Variants in FBN2 observed in about 807,000 individuals in gnomAD.
The protein encoded by FBN2 is fibrillin 2.
In FBN2, 105 loss-of-function variants were observed where a neutral mutation model predicts 355.6. The observed-to-expected ratio is 0.30, with a 90% confidence interval of 0.25 to 0.35. The LOEUF (loss-of-function observed/expected upper bound fraction) is 0.35. Ranked by LOEUF, FBN2 falls within the 10% of genes least tolerant of loss-of-function variation. The pLI, the probability that FBN2 is intolerant of heterozygous loss-of-function variation, is 1.00. For synonymous variants in FBN2, 1,350 were observed against 1,301.2 expected (o/e 1.04, Z -0.81); for missense variants, 3,280 against 3,758.7 (o/e 0.87, Z 3.33).
chr5:128,366,322 A>C, intron 17 of FBN2, 55 bp downstream of exon 17: 1 of 886,174 alleles, frequency 1.1e-6, no homozygotes, highest in Non-Finnish European at 1.8e-6. Context: ...TAGAATTATA[A>C]AGCTATACGA....
intron 25 of FBN2, among the ~76,000 whole-genome samples, chr5:128,341,784 T>C (rs1326623632): frequency 1.3e-5 from 2 of 152,224 alleles, no homozygotes; most frequent in Non-Finnish European, 2.9e-5. Context: ...ATAAACTTCC[T>C]GAATGCTCTT....
intron 7 of FBN2, among the ~76,000 whole-genome samples, chr5:128,420,761 T>C (rs1453492956): frequency 1.3e-5 from 2 of 152,192 alleles, no homozygotes; most frequent in Admixed American, 1.3e-4. Flanking sequence ...AATAAACAGA[T>C]ACTGATTGGG....
intron 34 of FBN2, among the ~76,000 whole-genome samples, chr5:128,320,322 C>T (rs1190843970): frequency 6.6e-6 from 1 of 151,972 alleles, no homozygotes; most frequent in African/African-American, 2.4e-5. Flanking sequence ...TCAAGCAATC[C>T]TCCCCCTTCA....
chr5:128,401,242 T>G (rs1752790931), intron 8 of FBN2, among the ~76,000 whole-genome samples: 3 of 152,166 alleles, frequency 2.0e-5, no homozygotes, highest in Admixed American at 2.0e-4. Context: ...TGCAATGATA[T>G]TGAGAGGGGT....
intron 5 of FBN2, among the ~76,000 whole-genome samples, chr5:128,496,520 G>A (rs1007394792): frequency 5.3e-5 from 8 of 151,890 alleles, no homozygotes; most frequent in Admixed American, 3.3e-4. Flanking sequence ...ATAATAAAGG[G>A]CCTCTACAAA....
rs1374417522 is a variant in FBN2 at position 128,428,140 on chromosome 5, A to G, written c.952+18341T>C. Among the ~76,000 whole-genome samples the G allele has an allele frequency of 2.6e-5, 4 of 152,236 alleles. No individual in the cohort carries two copies. The South Asian group carries it at 8.3e-4, about 32-fold the overall frequency. On this transcript the variant is annotated intron_variant, in intron 7 of 64. Coordinates refer to ENST00000262464, the MANE Select transcript of FBN2 (RefSeq NM_001999.4). ...CTTTTACCACAAAAACCCCTGGTCC[A>G]AGCTACCATCAAGTCTCACTTAGAT...
intron 6 of FBN2, among the ~76,000 whole-genome samples, chr5:128,455,486 C>T (rs1754355426): frequency 6.6e-6 from 1 of 152,062 alleles, no homozygotes; most frequent in Non-Finnish European, 1.5e-5. Flanking sequence ...AGAATGTTAG[C>T]ATGGCAACAG....
chr5:128,448,280 A>G (rs1284393014), intron 6 of FBN2, among the ~76,000 whole-genome samples: 2 of 151,460 alleles, frequency 1.3e-5, no homozygotes, highest in Non-Finnish European at 1.5e-5. Context: ...CCAATACATG[A>G]TATTACTATC....
At chr5:128,465,998 C>T (rs191950934) in intron 5 of FBN2, among the ~76,000 whole-genome samples, 2 of 152,286 alleles carry the variant, frequency 1.3e-5, no homozygotes, top group East Asian at 1.9e-4. Flanking sequence ...GGAAAGTTAG[C>T]CCTGGGTATT....
intron 54 of FBN2, 27 bp downstream of exon 54, chr5:128,287,281 G>T (rs1431127198): frequency 1.2e-6 from 2 of 1,612,598 alleles, no homozygotes; most frequent in South Asian, 2.2e-5. Flanking sequence ...AATAAAGTTC[G>T]AACTACTCCC....
At chr5:128,494,712 G>C (rs1445185796) in intron 5 of FBN2, among the ~76,000 whole-genome samples, 1 of 152,150 alleles carries the variant, frequency 6.6e-6, no homozygotes, top group Admixed American at 6.5e-5. Context: ...GTGCCTCTGG[G>C]GGGCAGCATG....
chr5:128,259,918 C>T (rs781010169), intron 64 of FBN2, 89 bp from the exon 65 acceptor site: 61 of 1,393,668 alleles, frequency 4.4e-5, no homozygotes, highest in African/African-American at 9.9e-5. Flanking sequence ...GCTTTGGTCA[C>T]GAGGACAGGC....
In FBN2 at chr5:128,334,730, G is replaced by A; in HGVS notation, c.4088C>T (p.Thr1363Ile). 1 of 1,614,190 alleles carries A rather than the reference G, an allele frequency of 6.2e-7. No homozygotes were observed. The highest frequency in any genetic ancestry group is 1.1e-5 in the South Asian group (1 of 91,084). Reference sequence around the variant, plus strand: ...AGCTTGAAACCTACCTGTACATCCTGTGGTCCCCTTCTTCACTGAGTAACC... The same window carrying A: ...AGCTTGAAACCTACCTGTACATCCTATGGTCCCCTTCTTCACTGAGTAACC... ...QLGYSVKKGT[T>I]GCTDVDECEI... The change falls in exon 31 of 65, where the codon ACA becomes ATA. Residue 1363 changes from threonine (T) to isoleucine (I), a missense_variant. Physicochemically the swap from Thr to Ile is moderately conservative, Grantham distance 89 (BLOSUM62 -1). This residue lies in a region of FBN2 where 2,284 missense variants were observed against 2,749.5 expected (regional missense o/e 0.83). Transcript: ENST00000262464.
Position 128,446,622 on chromosome 5 carries a change from A to G in FBN2, c.827-16T>C. ...TCATCAACATCTGCAAGAAGAAAAC[A>G]TTTTGAACACAGATGACACTGGTTT... On this transcript the variant is annotated splice_polypyrimidine_tract_variant and intron_variant, in intron 6 of 64. Coordinates refer to ENST00000262464, the MANE Select transcript of FBN2 (RefSeq NM_001999.4). 6.2e-7 allele frequency: 1 copy of G among 1,612,866 alleles called. No homozygotes were observed.
intron 23 of FBN2, among the ~76,000 whole-genome samples, chr5:128,347,420 C>T (rs916898606): frequency 2.6e-5 from 4 of 152,126 alleles, no homozygotes; most frequent in East Asian, 1.9e-4. Context: ...ATCAATGCTG[C>T]GATTGTCCTT....
At chr5:128,314,977 G>A (rs1406575553) in intron 36 of FBN2, among the ~76,000 whole-genome samples, 1 of 152,058 alleles carries the variant, frequency 6.6e-6, no homozygotes, top group African/African-American at 2.4e-5. Context: ...AGAATGCCGT[G>A]ATGAACATCA....
At chr5:128,366,746 TC>T (rs965536899) in intron 16 of FBN2, among the ~76,000 whole-genome samples, 4 of 152,180 alleles carry the variant, frequency 2.6e-5, no homozygotes, top group Non-Finnish European at 5.9e-5. Context: ...TAACTTTTTT[TC>T]CTCACTAATA....
chr5:128,358,524 C>T (rs959225380), intron 19 of FBN2, among the ~76,000 whole-genome samples: 11 of 152,006 alleles, frequency 7.2e-5, no homozygotes, highest in South Asian at 4.1e-4. Context: ...AGGCTCGCAG[C>T]GGAATATCCA....
Position 128,303,045 on chromosome 5 carries a change from T to C in FBN2, c.5845A>G (p.Lys1949Glu), listed in dbSNP as rs1064796980. ...ERHPCGNGTCKNTVGSYNCLC... is the reference protein window; with the variant it reads ...ERHPCGNGTCENTVGSYNCLC... ...CAGTTATAGGATCCAACGGTGTTTT[T>C]ACAAGTTCCATTTCCACATGGATGC... The change falls in exon 46 of 65, where the codon AAA (lysine) becomes GAA (glutamate). Residue 1949 changes from lysine to glutamate, a missense_variant. By Grantham distance (56) the Lys-to-Glu change is moderately conservative. Coordinates refer to ENST00000262464, the MANE Select transcript of FBN2 (RefSeq NM_001999.4). 1.2e-6 allele frequency: 2 copies of C among 1,613,036 alleles called. No individual in the cohort carries two copies. Among genetic ancestry groups the C allele is most frequent in the Non-Finnish European group, 1.7e-6 (2 of 1,179,160 alleles).
Sources: gnomAD v4.1 joint callset for allele counts (sites outside exome capture counted in the v4.1 genomes callset) on GRCh38, gnomAD v4.1.1 for gene constraint, gnomAD v4.1.1 regional missense constraint, MANE v1.5 for transcripts, NCBI Gene and HGNC (gene_info 2026-07-23, HGNC 2026-07-21) for gene names.